The following SPSB4 variants were observed in gnomAD, a reference collection of about 807,000 sequenced individuals.
SPSB4 encodes the protein SPRY domain-containing SOCS box protein 4.
Under a neutral mutation model 20.9 loss-of-function variants are expected in SPSB4, and 21 were observed. The ratio of observed to expected loss-of-function variants is 1.01; its 90% CI spans 0.71 to 1.45. The LOEUF is 1.45. SPSB4 is among the 40% of genes most tolerant of loss of function. The pLI, the probability that SPSB4 is intolerant of heterozygous loss-of-function variation, is 0.00. For synonymous variants in SPSB4, 207 were observed against 183.8 expected (o/e 1.13, Z -1.02); for missense variants, 399 against 399.2 (o/e 1.00, Z 0.00).
intron 2 of SPSB4, among the ~76,000 whole-genome samples, chr3:141,068,880 G>GACCT (rs1428857138): frequency 2.0e-5 from 3 of 152,244 alleles, no homozygotes; most frequent in African/African-American, 7.2e-5. Context: ...CAGGAGCAGG[G>GACCT]ACCTACCTCA....
chr3:141,071,283 G>C (rs933431710), intron 2 of SPSB4, among the ~76,000 whole-genome samples: 1 of 151,588 alleles, frequency 6.6e-6, no homozygotes. Context: ...GGCGGCAGGA[G>C]GGCTGACAGA....
At chr3:141,078,167 G>C (rs1360461448) in intron 2 of SPSB4, among the ~76,000 whole-genome samples, 1 of 152,222 alleles carries the variant, frequency 6.6e-6, no homozygotes, top group African/African-American at 2.4e-5. Context: ...GATGGGCCTA[G>C]CTGCTTATTC....
chr3:141,099,968 G>C (rs1393678316), intron 2 of SPSB4, among the ~76,000 whole-genome samples: 4 of 152,206 alleles, frequency 2.6e-5, no homozygotes, highest in Non-Finnish European at 5.9e-5. Context: ...AAAAGCCACA[G>C]TTTTGTGATA....
intron 1 of SPSB4, among the ~76,000 whole-genome samples, 179 bp from the exon 2 acceptor site, chr3:141,065,773 A>T (rs555844998): frequency 1.3e-5 from 2 of 152,356 alleles, no homozygotes; most frequent in Admixed American, 6.5e-5. Flanking sequence ...ACTAATAAAC[A>T]TAAATAATTT....
chr3:141,142,850 T>C (rs1939355764), intron 2 of SPSB4, among the ~76,000 whole-genome samples: 1 of 124,946 alleles, frequency 8.0e-6, no homozygotes, highest in African/African-American at 3.0e-5. Context: ...AGAGTCTCGC[T>C]CTGTCACCCA....
chr3:141,080,422 C>G (rs375275949), intron 2 of SPSB4: 5 of 152,440 alleles, frequency 3.3e-5, no homozygotes, highest in African/African-American at 1.2e-4. Flanking sequence ...AGTCTCAACT[C>G]TGTCCTGTTC....
intron 2 of SPSB4, among the ~76,000 whole-genome samples, chr3:141,127,808 A>T (rs1484786574): frequency 6.6e-6 from 1 of 152,208 alleles, no homozygotes; most frequent in Non-Finnish European, 1.5e-5. Context: ...GCCTAGCTGC[A>T]TGGCAGGTCA....
rs559800175 is a variant in SPSB4 at position 141,138,266 on chromosome 3, T to G, written c.695-8876T>G. ...CTTGCTAGTGGTCTATCAACTCTGT[T>G]GATCTTTTCAAAAAATCAGCTCCTG... On this transcript the variant is annotated intron_variant, in intron 2 of 2. Coordinates refer to ENST00000310546, the MANE Select transcript of SPSB4 (RefSeq NM_080862.3). Among the ~76,000 whole-genome samples, 4 of 152,360 alleles carry G rather than the reference T, an allele frequency of 2.6e-5. No individual in the cohort carries two copies. In the East Asian group the frequency reaches 7.7e-4, roughly 29 times the overall value.
chr3:141,103,094 GATTGTT>G (rs1938637520), intron 2 of SPSB4, among the ~76,000 whole-genome samples: 1 of 152,198 alleles, frequency 6.6e-6, no homozygotes, highest in Admixed American at 6.5e-5. Flanking sequence ...CCCAATACCT[GATTGTT>G]AACAACAGGG....
intron 1 of SPSB4, among the ~76,000 whole-genome samples, chr3:141,060,862 T>C (rs1937747935): frequency 6.6e-6 from 1 of 152,250 alleles, no homozygotes; most frequent in South Asian, 2.1e-4. Flanking sequence ...CATTTCTTTT[T>C]CAGTATACAT....
intron 2 of SPSB4, among the ~76,000 whole-genome samples, chr3:141,114,057 T>C (rs543732631): frequency 2.1e-4 from 32 of 152,276 alleles, no homozygotes; most frequent in African/African-American, 6.3e-4. Flanking sequence ...CACTGCACTC[T>C]AGCCTGAGTG....
At chr3:141,082,311 A>G (rs760545047) in intron 2 of SPSB4, among the ~76,000 whole-genome samples, 4 of 152,186 alleles carry the variant, frequency 2.6e-5, no homozygotes, top group Non-Finnish European at 5.9e-5. Flanking sequence ...GCCAGGCTGC[A>G]TCAGGCGGCC....
At chr3:141,096,211 G>A (rs1938545167) in intron 2 of SPSB4, among the ~76,000 whole-genome samples, 1 of 152,124 alleles carries the variant, frequency 6.6e-6, no homozygotes, top group Admixed American at 6.6e-5. Context: ...CAACCACCCA[G>A]GGCCCCAGGG....
chr3:141,101,849 C>T (rs187987781), intron 2 of SPSB4, among the ~76,000 whole-genome samples: 10 of 152,354 alleles, frequency 6.6e-5, no homozygotes, highest in African/African-American at 9.6e-5. Context: ...TTCGTTTCCA[C>T]GCACCAGCCC....
intron 2 of SPSB4, chr3:141,117,015 G>A (rs1938889740): frequency 6.6e-6 from 1 of 152,224 alleles, no homozygotes; most frequent in Non-Finnish European, 1.5e-5. Flanking sequence ...TGTGTCCTGA[G>A]CAGGACTCTG....
At chr3:141,143,049 T>C (rs576355171) in intron 2 of SPSB4, among the ~76,000 whole-genome samples, 37 of 152,074 alleles carry the variant, frequency 2.4e-4, no homozygotes, top group Admixed American at 1.1e-3. Context: ...ATCTCCTGAC[T>C]TTGTGATCTG....
chr3:141,121,502 A>G (rs1011652952), intron 2 of SPSB4, among the ~76,000 whole-genome samples: 2 of 152,188 alleles, frequency 1.3e-5, no homozygotes, highest in Non-Finnish European at 2.9e-5. Flanking sequence ...TACCCTGAAG[A>G]GTGTTTTCTA....
rs141215670 is a variant in SPSB4 at position 141,069,644 on chromosome 3, C to T, written c.694+2846C>T. ...CTCACAGAGCCGGGTCAGACCCTGG[C>T]CCCAGCACTCAACAAATGGCTGTTG... On this transcript the variant is annotated intron_variant, in intron 2 of 2. Transcript: ENST00000310546. 9.0e-3 allele frequency among the ~76,000 whole-genome samples: 1,367 copies of T among 152,270 alleles called. 23 individuals are homozygous for T. Among genetic ancestry groups the T allele is most frequent in the African/African-American group, 0.031 (1,287 of 41,544 alleles).
At chr3:141,058,020 AAAG>A (rs1464284675) in intron 1 of SPSB4, among the ~76,000 whole-genome samples, 5 of 152,082 alleles carry the variant, frequency 3.3e-5, no homozygotes, top group African/African-American at 1.2e-4. Flanking sequence ...TGGCTAGATG[AAAG>A]AAGGAGACTT....
Sources: allele counts gnomAD v4.1 joint callset (sites outside exome capture counted in the v4.1 genomes callset), GRCh38; gene constraint gnomAD v4.1.1; transcripts MANE v1.5; gene names NCBI Gene and HGNC (gene_info 2026-07-23, HGNC 2026-07-21).